MOV10L1: variants seen among roughly 807,000 people sequenced by gnomAD.
MOV10L1 encodes the protein Mov10 like RNA helicase 1.
In MOV10L1, 110 loss-of-function variants were observed where a neutral mutation model predicts 143.8. The ratio of observed to expected loss-of-function variants is 0.76; its 90% CI spans 0.66 to 0.90. MOV10L1 has a LOEUF of 0.90. MOV10L1 is among the 40% of genes least tolerant of loss of function. The pLI is 0.00. For synonymous variants in MOV10L1, 593 were observed against 581.1 expected (o/e 1.02, Z -0.29); for missense variants, 1,406 against 1,526.8 (o/e 0.92, Z 1.32).
Position 50,090,037 on chromosome 22 carries a change from G to C in MOV10L1, c.-52G>C, listed in dbSNP as rs913754921. On this transcript the variant is annotated 5_prime_UTR_variant, in exon 1 of 27. Coordinates refer to ENST00000262794, the MANE Select transcript of MOV10L1 (RefSeq NM_018995.3). ...GGCGGGCGGCGGGAGCGGCGCGGGCGCGTGCGGGCGGCGGCAGCGGCGGTG... is the reference window on the plus strand; with the variant it reads ...GGCGGGCGGCGGGAGCGGCGCGGGCCCGTGCGGGCGGCGGCAGCGGCGGTG... The C allele has an allele frequency of 2.6e-6, 3 of 1,147,272 alleles. No individual in the cohort carries two copies. Among genetic ancestry groups the C allele is most frequent in the East Asian group, 4.1e-5 (1 of 24,508 alleles). The allele number at this position is 1,147,272 out of a possible 1,614,324, so 71.1% of individuals were successfully genotyped here.
rs759194539 is a variant in MOV10L1 at position 50,144,144 on chromosome 22, C to T, written c.2406C>T (p.Ser802=). The T allele has an allele frequency of 9.3e-6, 15 of 1,613,466 alleles. No individual in the cohort carries two copies. Among genetic ancestry groups the T allele is most frequent in the Non-Finnish European group, 1.3e-5 (15 of 1,179,494 alleles). The part of the protein sequence containing the change: ...PDSRILVCAP[S]NSAADLVCLR... ...GTCGGATTTTAGTCTGTGCGCCCTCCAACAGTGCTGCTGACCTCGTGTGTC... is the reference window on the plus strand; with the variant it reads ...GTCGGATTTTAGTCTGTGCGCCCTCTAACAGTGCTGCTGACCTCGTGTGTC... Residue 802 remains serine (S), a synonymous_variant, in exon 18 of 27, where the codon TCC becomes TCT. Transcript: ENST00000262794.
rs1602352500 is a variant in MOV10L1 at position 50,152,311 on chromosome 22, A to T, written c.2893-734A>T. Among the ~76,000 whole-genome samples, 1 of 152,186 alleles carries T rather than the reference A, an allele frequency of 6.6e-6. No individual in the cohort carries two copies. Among genetic ancestry groups the T allele is most frequent in the African/African-American group, 2.4e-5 (1 of 41,442 alleles). ...GAGAGGACGGCTCCCCGCGGCACAG[A>T]CGCAGCGAGTCCTCATGCCAATACA... On this transcript the variant is annotated intron_variant, in intron 21 of 26. Coordinates refer to ENST00000262794, the MANE Select transcript of MOV10L1 (RefSeq NM_018995.3). This position sits in a 1 kb window ranked among gnomAD's most constrained non-coding sequence, Gnocchi z 4.4.
chr22:50,149,576 A>G lies in MOV10L1; in HGVS notation c.2628-39A>G, dbSNP rs995987527. ...GTCAGAGGCATCAATTGCTAAAACA[A>G]TTCGGCAGAAATTACCATTTAGAAC... On this transcript the variant is annotated intron_variant, in intron 19 of 26. Coordinates refer to ENST00000262794, the MANE Select transcript of MOV10L1 (RefSeq NM_018995.3). 37 of 1,603,530 alleles carry G rather than the reference A, an allele frequency of 2.3e-5. 1 individual carries two copies. Among genetic ancestry groups the G allele is most frequent in the East Asian group, 1.3e-4 (6 of 44,810 alleles).
At position 50,115,839 on chromosome 22, in the gene MOV10L1, C is replaced by T. The variant is rs554870441; in HGVS notation, c.1259+593C>T. 4.9e-4 allele frequency among the ~76,000 whole-genome samples: 75 copies of T among 152,352 alleles called. No homozygotes were observed. The Middle Eastern group carries it at 0.01, about 21-fold the overall frequency. ...TCCGCATAGCCAAGCCCTGGGGCCT[C>T]GGTCATCTCCATCCCGTCACCTGGG... On this transcript the variant is annotated intron_variant, in intron 8 of 26. Transcript: ENST00000262794.
intron 13 of MOV10L1, among the ~76,000 whole-genome samples, chr22:50,130,908 T>C (rs2062654485): frequency 6.6e-6 from 1 of 152,162 alleles, no homozygotes; most frequent in Non-Finnish European, 1.5e-5. Context: ...TCTTTTTTCT[T>C]TTTTTTGAGA....
intron 22 of MOV10L1, among the ~76,000 whole-genome samples, chr22:50,156,088 A>G (rs1041876995): frequency 1.3e-5 from 2 of 151,908 alleles, no homozygotes; most frequent in East Asian, 3.9e-4. Flanking sequence ...AAATAAATGT[A>G]CACATAATAT....
Position 50,115,264 on chromosome 22 carries a change from TG to T in MOV10L1, c.1259+22del. On this transcript the variant is annotated intron_variant, in intron 8 of 26. Transcript: ENST00000262794. ...GACGGAAAGTAAGGGCCTGGAGGTC[TG>T]GGGAGAGCCGCGTTTTTAAGTTTCT... 1.3e-6 allele frequency: 2 copies of T among 1,484,488 alleles called. No homozygotes were observed. Among genetic ancestry groups the T allele is most frequent in the Non-Finnish European group, 1.8e-6 (2 of 1,124,226 alleles). The allele number at this position is 1,484,488 out of a possible 1,614,324, so 92.0% of individuals were successfully genotyped here.
chr22:50,094,094 A>G (rs1253900090), intron 2 of MOV10L1: 3 of 152,152 alleles, frequency 2.0e-5, no homozygotes, highest in African/African-American at 4.8e-5. Context: ...CTGGCTCTTC[A>G]CATGTTCTGG....
intron 13 of MOV10L1, among the ~76,000 whole-genome samples, chr22:50,129,467 G>T (rs943478481): frequency 6.6e-6 from 1 of 152,236 alleles, no homozygotes; most frequent in African/African-American, 2.4e-5. Context: ...TCTCCGTGTT[G>T]TTGTAACTGC....
chr22:50,129,710 G>A (rs779925628), intron 13 of MOV10L1, among the ~76,000 whole-genome samples: 6 of 152,166 alleles, frequency 3.9e-5, no homozygotes, highest in Middle Eastern at 3.4e-3. Flanking sequence ...GATTTTGTTC[G>A]ACTTCCTAAT....
chr22:50,152,565 G>A lies in MOV10L1; in HGVS notation c.2893-480G>A, dbSNP rs2063328651. On this transcript the variant is annotated intron_variant, in intron 21 of 26. Coordinates refer to ENST00000262794, the MANE Select transcript of MOV10L1 (RefSeq NM_018995.3). This position sits in a 1 kb window ranked among gnomAD's most constrained non-coding sequence, Gnocchi z 4.4. Reference sequence around the variant, plus strand: ...TGAAGTCACAGCCAGGCCCGCCCAGGGCTGGCCAGGCCCCCAGAGTCACAG... The same window carrying A: ...TGAAGTCACAGCCAGGCCCGCCCAGAGCTGGCCAGGCCCCCAGAGTCACAG... Among the ~76,000 whole-genome samples, 1 of 152,158 alleles carries A rather than the reference G, an allele frequency of 6.6e-6. No homozygotes were observed. The highest frequency in any genetic ancestry group is 2.1e-4 in the South Asian group (1 of 4,828).
intron 2 of MOV10L1, 83 bp from the exon 3 acceptor site, chr22:50,099,360 G>T: frequency 6.6e-7 from 1 of 1,507,894 alleles, no homozygotes; most frequent in Non-Finnish European, 9.0e-7. Context: ...AGCCCTAATG[G>T]TCTCAGACAG....
At chr22:50,160,517 G>C (rs1342493324) in intron 24 of MOV10L1, among the ~76,000 whole-genome samples, 171 bp from the exon 25 acceptor site, 2 of 151,866 alleles carry the variant, frequency 1.3e-5, no homozygotes, top group South Asian at 2.1e-4. Context: ...CCTCCCAAAG[G>C]CTGGGATTAC....
chr22:50,104,295 G>C (rs537473288), intron 3 of MOV10L1, among the ~76,000 whole-genome samples: 6 of 152,188 alleles, frequency 3.9e-5, no homozygotes, highest in African/African-American at 7.2e-5. Flanking sequence ...GCCACAGTCC[G>C]GTGCCTTCTG....
intron 10 of MOV10L1, among the ~76,000 whole-genome samples, chr22:50,124,407 A>T (rs2062436352): frequency 6.6e-6 from 1 of 152,104 alleles, no homozygotes; most frequent in Non-Finnish European, 1.5e-5. Flanking sequence ...TGCTTTTAAG[A>T]TTCTCTCTTT....
chr22:50,117,300 C>G lies in MOV10L1; in HGVS notation c.1403C>G (p.Ser468Ter). 1 of 1,614,112 alleles carries G rather than the reference C, an allele frequency of 6.2e-7. No individual in the cohort carries two copies. The highest frequency in any genetic ancestry group is 8.5e-7 in the Non-Finnish European group (1 of 1,180,002). Residue 468 changes from serine (S) to a stop codon, truncating the protein, a stop_gained, in exon 9 of 27, where the codon TCA becomes TGA. Transcript: ENST00000262794. LOFTEE classifies it high-confidence loss of function. ...EPFSWKKLKSSQALTSAKTTV... is the reference protein window; with the variant it reads ...EPFSWKKLKS ...TTTTCTTGGAAAAAGCTTAAAAGTT[C>G]ACAAGCGTTAACATCCGCAAAAACT...
At chr22:50,107,404 C>G (rs928042835) in intron 3 of MOV10L1, among the ~76,000 whole-genome samples, 1 of 152,276 alleles carries the variant, frequency 6.6e-6, no homozygotes, top group Non-Finnish European at 1.5e-5. Flanking sequence ...GCTCACATGT[C>G]GAATGTAGGT....
intron 3 of MOV10L1, among the ~76,000 whole-genome samples, chr22:50,103,628 A>C (rs1479977108): frequency 6.6e-6 from 1 of 152,150 alleles, no homozygotes; most frequent in African/African-American, 2.4e-5. Flanking sequence ...AGCTGCGAGC[A>C]TGTGGTGGCT....
chr22:50,143,760 C>T (rs148269003), intron 17 of MOV10L1, among the ~76,000 whole-genome samples: 174 of 152,370 alleles, frequency 1.1e-3, no homozygotes, highest in Non-Finnish European at 2.0e-3. Flanking sequence ...CGAAGACCAT[C>T]TACATTTAGC....
Sources: allele counts gnomAD v4.1 joint callset (sites outside exome capture counted in the v4.1 genomes callset), GRCh38; gene constraint gnomAD v4.1.1; non-coding constraint Gnocchi (gnomAD v3.1); transcripts MANE v1.5; gene names NCBI Gene and HGNC (gene_info 2026-07-23, HGNC 2026-07-21).